The following ALDH1L1 variants were observed in gnomAD, a reference collection of about 807,000 sequenced individuals.
ALDH1L1 encodes the protein cytosolic 10-formyltetrahydrofolate dehydrogenase.
A neutral mutation model predicts 101.1 loss-of-function variants in ALDH1L1; 68 were observed. The ratio of observed to expected loss-of-function variants is 0.67; its 90% confidence interval spans 0.55 to 0.82. The LOEUF is 0.82. Among genes scored for constraint, ALDH1L1 ranks in the 40% least tolerant of loss-of-function variants. The pLI is 0.00. For missense variants in ALDH1L1, 1,087 were observed against 1,172.7 expected, an observed-to-expected ratio of 0.93 and a Z score of 1.07; for synonymous variants, 486 against 470.8, an observed-to-expected ratio of 1.03 and a Z score of -0.42.
intron 1 of ALDH1L1, among the ~76,000 whole-genome samples, chr3:126,176,704 G>GA (rs921232465): frequency 2.0e-5 from 3 of 151,614 alleles, no homozygotes; most frequent in Admixed American, 6.6e-5. Flanking sequence ...ATTCATGGAG[G>GA]AAAAAAAATG....
chr3:126,150,179 A>C (rs1361342934), intron 8 of ALDH1L1, among the ~76,000 whole-genome samples: 2 of 152,236 alleles, frequency 1.3e-5, no homozygotes, highest in African/African-American at 4.8e-5. Context: ...AGCCCCTAGA[A>C]GAGTCAGACT....
At chr3:126,174,618 A>G (rs1460554534) in intron 1 of ALDH1L1, among the ~76,000 whole-genome samples, 3 of 152,352 alleles carry the variant, frequency 2.0e-5, no homozygotes, top group South Asian at 2.1e-4. Flanking sequence ...CATTAAAAAA[A>G]TGGAAACTAA....
intron 14 of ALDH1L1, among the ~76,000 whole-genome samples, chr3:126,127,848 A>C (rs2080220421): frequency 6.6e-6 from 1 of 152,244 alleles, no homozygotes; most frequent in Admixed American, 6.5e-5. Flanking sequence ...TGCTGGGATG[A>C]TGACAGGCAT....
At position 126,167,596 on chromosome 3, in the gene ALDH1L1, T is replaced by C. The variant is rs137903457; in HGVS notation, c.-23-6594A>G. Among the ~76,000 whole-genome samples, 188 of 152,114 alleles carry C rather than the reference T, an allele frequency of 1.2e-3. 2 individuals carry two copies. The highest frequency in any genetic ancestry group is 8.3e-3 in the East Asian group (43 of 5,184). ...CACCAGCAAAAATATCCTCAGTGGCTAGTGCACCTTAAGAAAAATCTGGCA... is the reference window on the plus strand; with the variant it reads ...CACCAGCAAAAATATCCTCAGTGGCCAGTGCACCTTAAGAAAAATCTGGCA... On this transcript the variant is annotated intron_variant, in intron 1 of 22. Transcript: ENST00000393434.
At chr3:126,146,022 C>A (rs1232899368) in intron 9 of ALDH1L1, among the ~76,000 whole-genome samples, 6 of 152,090 alleles carry the variant, frequency 3.9e-5, no homozygotes, top group African/African-American at 1.2e-4. Context: ...CTGCATACTG[C>A]CTCACAGTGA....
At chr3:126,112,347 T>G (rs534779542) in intron 19 of ALDH1L1, among the ~76,000 whole-genome samples, 9 of 152,274 alleles carry the variant, frequency 5.9e-5, no homozygotes, top group Non-Finnish European at 1.2e-4. Context: ...GGTATGCCTG[T>G]GTAGGGGGAT....
Position 126,135,596 on chromosome 3 carries a change from C to T in ALDH1L1, c.1411G>A (p.Ala471Thr), listed in dbSNP as rs1188921947. Residue 471 changes from alanine (A) to threonine (T), a missense_variant, in exon 12 of 23, where the codon GCC becomes ACC. Coordinates refer to ENST00000393434, the MANE Select transcript of ALDH1L1 (RefSeq NM_012190.4). ...VDKAVAAAKDAFENGRWGKIS... is the reference protein window; with the variant it reads ...VDKAVAAAKDTFENGRWGKIS... Reference sequence around the variant, plus strand: ...TTCCCCCACCGTCCATTCTCAAAGGCATCCTTGGCTGCGGCCACTGCCTTG... The same window carrying T: ...TTCCCCCACCGTCCATTCTCAAAGGTATCCTTGGCTGCGGCCACTGCCTTG... 3 of 1,599,248 alleles carry T rather than the reference C, an allele frequency of 1.9e-6. No individual in the cohort carries two copies. Among genetic ancestry groups the T allele is most frequent in the Non-Finnish European group, 1.7e-6 (2 of 1,173,194 alleles).
intron 1 of ALDH1L1, among the ~76,000 whole-genome samples, chr3:126,190,258 A>C (rs1302812402): frequency 6.6e-6 from 1 of 152,230 alleles, no homozygotes; most frequent in Non-Finnish European, 1.5e-5. Context: ...ATGTGGTAGA[A>C]ATAAATACAC....
chr3:126,147,227 A>C (rs1374862119), intron 8 of ALDH1L1, among the ~76,000 whole-genome samples: 1 of 152,122 alleles, frequency 6.6e-6, no homozygotes, highest in African/African-American at 2.4e-5. Flanking sequence ...TGGAGGACAG[A>C]TGTGCCAGGC....
chr3:126,155,536 A>ATT (rs2080888311), intron 4 of ALDH1L1, 33 bp from the exon 5 acceptor site: 1 of 1,584,542 alleles, frequency 6.3e-7, no homozygotes, highest in Non-Finnish European at 8.6e-7. Context: ...TATCCCCAGC[A>ATT]ATAGGACCCT....
intron 10 of ALDH1L1, 121 bp from the exon 11 acceptor site, chr3:126,137,004 G>T: frequency 7.2e-7 from 1 of 1,390,796 alleles, no homozygotes; most frequent in Non-Finnish European, 9.7e-7. Context: ...AGAGCTGCAT[G>T]TAGGCAACAG....
At chr3:126,115,596 A>G (rs2079948102) in intron 17 of ALDH1L1, 1 of 146,592 alleles carries the variant, frequency 6.8e-6, no homozygotes, top group Non-Finnish European at 1.5e-5. Context: ...TTGTTTTTAG[A>G]TGGAGTCTCA....
intron 1 of ALDH1L1, among the ~76,000 whole-genome samples, chr3:126,188,368 C>T (rs917365896): frequency 6.6e-6 from 1 of 152,214 alleles, no homozygotes; most frequent in Non-Finnish European, 1.5e-5. Context: ...TGTGGGACTT[C>T]AGTATGCACG....
rs960446741 is a variant in ALDH1L1 at position 126,158,492 on chromosome 3, A to G, written c.275T>C (p.Met92Thr). The G allele has an allele frequency of 6.2e-7, 1 of 1,614,162 alleles. No homozygotes were observed. The highest frequency in any genetic ancestry group is 8.5e-7 in the Non-Finnish European group (1 of 1,180,000). Residue 92 changes from methionine (M) to threonine (T), a missense_variant, in exon 3 of 23, where the codon ATG becomes ACG. Met to Thr is a moderately conservative substitution (Grantham distance 81, BLOSUM62 -1). Transcript: ENST00000393434. ...VLPFCSQFIP[M>T]EIISAPRHGS... ...ATGCCGGGGGGCACTGATTATCTCC[A>G]TGGGGATGAATTGGCTGCAGAAGGG...
chr3:126,177,509 C>G (rs940275461), intron 1 of ALDH1L1, among the ~76,000 whole-genome samples: 4 of 150,318 alleles, frequency 2.7e-5, no homozygotes, highest in African/African-American at 9.8e-5. Flanking sequence ...CTGGAAAAGG[C>G]AAAACTACAA....
chr3:126,177,166 C>A (rs2081377570), intron 1 of ALDH1L1, among the ~76,000 whole-genome samples: 1 of 152,176 alleles, frequency 6.6e-6, no homozygotes, highest in South Asian at 2.1e-4. Context: ...TAACACGAAA[C>A]ATACTTTTAC....
At chr3:126,115,722 G>A (rs566613023) in intron 17 of ALDH1L1, among the ~76,000 whole-genome samples, 9 of 151,644 alleles carry the variant, frequency 5.9e-5, no homozygotes, top group East Asian at 1.9e-4. Flanking sequence ...TTACAGGCAC[G>A]TGCCACCACG....
chr3:126,182,614 G>C (rs930730698), upstream of ALDH1L1, among the ~76,000 whole-genome samples: 12 of 152,316 alleles, frequency 7.9e-5, no homozygotes, highest in East Asian at 1.9e-3. Flanking sequence ...CTGGCTGAGT[G>C]TTAGGGGCCT....
rs1329481688 is a variant in ALDH1L1 at position 126,105,836 on chromosome 3, T to C, written c.2543A>G (p.Tyr848Cys). 1 of 1,614,180 alleles carries C rather than the reference T, an allele frequency of 6.2e-7. No homozygotes were observed. Among genetic ancestry groups the C allele is most frequent in the Admixed American group, 1.7e-5 (1 of 60,016 alleles). The change falls in exon 22 of 23, where the codon TAT (tyrosine) becomes TGT (cysteine). Residue 848 changes from tyrosine to cysteine, a missense_variant. Tyr to Cys is a radical substitution (Grantham distance 194). Transcript: ENST00000393434. The stretch of plus-strand genomic sequence containing the variant: ...GCCTGCCTGGAGCTTGTCACTGACA[T>C]ACAGGGCCTTGTTGATGTCCCTGGT... ...VFTRDINKAL[Y>C]VSDKLQAGTV...
Sources: gnomAD v4.1 joint callset for allele counts (sites outside exome capture counted in the v4.1 genomes callset) on GRCh38, gnomAD v4.1.1 for gene constraint, MANE v1.5 for transcripts, NCBI Gene and HGNC (gene_info 2026-07-23, HGNC 2026-07-21) for gene names.